The following CSMD1 variants were observed in gnomAD, a reference collection of about 807,000 sequenced individuals.
The protein encoded by CSMD1 is CUB and sushi domain-containing protein 1.
Under a neutral mutation model 417.5 loss-of-function variants are expected in CSMD1, and 213 were observed. The observed-to-expected ratio is 0.51, with a 90% confidence interval of 0.46 to 0.57. The LOEUF (loss-of-function observed/expected upper bound fraction) is 0.57, where lower values mean the gene tolerates loss of function less well. Among genes scored for constraint, CSMD1 ranks in the 20% least tolerant of loss-of-function variants. CSMD1 has a pLI of 0.00. For synonymous variants in CSMD1, 2,862 were observed against 1,736.8 expected, an observed-to-expected ratio of 1.65 and a Z score of -16.11; for missense variants, 6,923 against 4,529.7, an observed-to-expected ratio of 1.53 and a Z score of -15.17.
At chr8:4,977,299 G>A (rs966285180) in intron 1 of CSMD1, among the ~76,000 whole-genome samples, 1 of 152,026 alleles carries the variant, frequency 6.6e-6, no homozygotes, top group Non-Finnish European at 1.5e-5. Flanking sequence ...CTGAAATAAG[G>A]CAAGAAGGGT....
intron 3 of CSMD1, among the ~76,000 whole-genome samples, chr8:4,147,276 G>A (rs976838179): frequency 3.9e-5 from 6 of 152,028 alleles, no homozygotes; most frequent in South Asian, 2.1e-4. Flanking sequence ...CCTCACCTGC[G>A]TAATTCCATA....
intron 1 of CSMD1, among the ~76,000 whole-genome samples, chr8:4,820,379 A>C (rs183741308): frequency 1.3e-3 from 203 of 152,312 alleles, no homozygotes; most frequent in African/African-American, 4.7e-3. Flanking sequence ...ATGATTTTTA[A>C]GCATTTTAAT....
At chr8:4,632,562 A>G (rs2130846505) in intron 2 of CSMD1, among the ~76,000 whole-genome samples, 1 of 152,204 alleles carries the variant, frequency 6.6e-6, no homozygotes, top group South Asian at 2.1e-4. Flanking sequence ...ATCACAGGAG[A>G]AGACACATTC....
intron 52 of CSMD1, among the ~76,000 whole-genome samples, chr8:3,009,965 T>G (rs894729780): frequency 2.0e-5 from 3 of 152,218 alleles, no homozygotes; most frequent in African/African-American, 7.2e-5. Flanking sequence ...CAGCATTCTT[T>G]TTATCTATTC....
chr8:3,846,309 C>T (rs892324132), intron 5 of CSMD1, among the ~76,000 whole-genome samples: 2 of 152,178 alleles, frequency 1.3e-5, no homozygotes, highest in East Asian at 1.9e-4. Context: ...ATTCCAGCTC[C>T]ATGAGAATCT....
At chr8:4,327,799 G>A (rs945079050) in intron 3 of CSMD1, among the ~76,000 whole-genome samples, 2 of 152,082 alleles carry the variant, frequency 1.3e-5, no homozygotes, top group African/African-American at 4.8e-5. Flanking sequence ...AACTTTTCTT[G>A]CTAAAATGTC....
intron 8 of CSMD1, chr8:3,613,344 A>G: frequency 2.5e-6 from 1 of 400,176 alleles, no homozygotes; most frequent in South Asian, 1.8e-5. Flanking sequence ...TAGCAATGAA[A>G]TATTAACAAT....
At chr8:3,772,246 T>G (rs1403740866) in intron 5 of CSMD1, among the ~76,000 whole-genome samples, 2 of 146,236 alleles carry the variant, frequency 1.4e-5, no homozygotes, top group African/African-American at 5.0e-5. Flanking sequence ...TATATATAGA[T>G]ATATACATAT....
At chr8:3,407,575 G>A (rs769700531) in intron 14 of CSMD1, among the ~76,000 whole-genome samples, 3 of 151,490 alleles carry the variant, frequency 2.0e-5, no homozygotes, top group African/African-American at 4.9e-5. Flanking sequence ...GGTTTGGTGG[G>A]TGCATGGATG....
intron 26 of CSMD1, among the ~76,000 whole-genome samples, chr8:3,260,476 G>C (rs1800978874): frequency 6.6e-6 from 1 of 151,980 alleles, no homozygotes; most frequent in South Asian, 2.1e-4. Context: ...AAAGACAGTG[G>C]CATGGATACA....
At chr8:4,905,577 T>A (rs375516537) in intron 1 of CSMD1, among the ~76,000 whole-genome samples, 2 of 151,964 alleles carry the variant, frequency 1.3e-5, no homozygotes, top group African/African-American at 4.8e-5. Context: ...CCCAGCACTT[T>A]GGGAGGCCAA....
At chr8:3,180,443 T>C (rs1041915620) in intron 37 of CSMD1, among the ~76,000 whole-genome samples, 5 of 152,166 alleles carry the variant, frequency 3.3e-5, no homozygotes, top group East Asian at 1.9e-4. Context: ...GAAGTCAGGA[T>C]TGTCCACCTT....
At chr8:3,964,151 G>T (rs1180064959) in intron 5 of CSMD1, among the ~76,000 whole-genome samples, 1 of 152,182 alleles carries the variant, frequency 6.6e-6, no homozygotes, top group Admixed American at 6.5e-5. Flanking sequence ...CCAAGAGGGT[G>T]AAGACCAATT....
At chr8:3,869,870 C>G (rs1202761314) in intron 5 of CSMD1, among the ~76,000 whole-genome samples, 1 of 152,150 alleles carries the variant, frequency 6.6e-6, no homozygotes, top group East Asian at 1.9e-4. Flanking sequence ...CCTTACTGAT[C>G]TAATTTTGTA....
chr8:3,964,166 T>C (rs758376519), intron 5 of CSMD1, among the ~76,000 whole-genome samples: 29 of 152,222 alleles, frequency 1.9e-4, no homozygotes, highest in Non-Finnish European at 3.8e-4. Context: ...CCAATTTTCA[T>C]CTTAACAAGT....
At chr8:4,414,099 G>C (rs570054222) in intron 3 of CSMD1, among the ~76,000 whole-genome samples, 5 of 152,336 alleles carry the variant, frequency 3.3e-5, no homozygotes, top group Non-Finnish European at 5.9e-5. Flanking sequence ...TTCAGGTGGA[G>C]TTTGGGTTAT....
At chr8:3,695,728 G>A (rs912164267) in intron 7 of CSMD1, among the ~76,000 whole-genome samples, 1 of 152,142 alleles carries the variant, frequency 6.6e-6, no homozygotes, top group Non-Finnish European at 1.5e-5. Context: ...TTGGCTGGAA[G>A]GAAGGATGAC....
chr8:2,978,299 C>T (rs1366390143), intron 55 of CSMD1, among the ~76,000 whole-genome samples: 1 of 152,178 alleles, frequency 6.6e-6, no homozygotes, highest in African/African-American at 2.4e-5. Flanking sequence ...TGGACCAGGC[C>T]TACCTGGTAG....
Position 4,079,149 on chromosome 8 carries a change from G to C in CSMD1, c.416-47050C>G, listed in dbSNP as rs908409507. Among the ~76,000 whole-genome samples, 8 of 151,798 alleles carry C rather than the reference G, an allele frequency of 5.3e-5. No homozygotes were observed. The East Asian group carries it at 5.8e-4, about 11-fold the overall frequency. The stretch of plus-strand genomic sequence containing the variant: ...TATTCAACTACTGGATCATATAAAA[G>C]AGAAAAAGACACAGTATAAATTGAA... On this transcript the variant is annotated intron_variant, in intron 3 of 69. Coordinates refer to ENST00000635120, the MANE Select transcript of CSMD1 (RefSeq NM_033225.6).
Sources: allele counts gnomAD v4.1 joint callset (sites outside exome capture counted in the v4.1 genomes callset), GRCh38; gene constraint gnomAD v4.1.1; transcripts MANE v1.5; gene names NCBI Gene and HGNC (gene_info 2026-07-23, HGNC 2026-07-21).